The following COG5 variants were observed in gnomAD, a reference collection of about 807,000 sequenced individuals.
COG5 encodes conserved oligomeric Golgi complex subunit 5.
A neutral mutation model predicts 110.4 loss-of-function variants in COG5; 86 were observed. The observed-to-expected ratio is 0.78, with a 90% CI of 0.65 to 0.93. The LOEUF (loss-of-function observed/expected upper bound fraction) is 0.93, where lower values mean the gene tolerates loss of function less well. Among genes scored for constraint, COG5 ranks in the 40% least tolerant of loss-of-function variants. COG5 has a pLI of 0.00. For synonymous variants in COG5, 360 were observed against 334.6 expected, an observed-to-expected ratio of 1.08 and a Z score of -0.83; for missense variants, 1,077 against 987.0, an observed-to-expected ratio of 1.09 and a Z score of -1.22.
chr7:107,281,242 T>C (rs1160698572), intron 14 of COG5, 58 bp downstream of exon 14: 6 of 1,074,164 alleles, frequency 5.6e-6, no homozygotes, highest in South Asian at 1.3e-5. Flanking sequence ...TCAAGTATTA[T>C]ATAGTTAGTA....
chr7:107,517,630 C>G (rs1389867997), intron 6 of COG5, among the ~76,000 whole-genome samples: 1 of 151,630 alleles, frequency 6.6e-6, no homozygotes, highest in Non-Finnish European at 1.5e-5. Flanking sequence ...GGAAGCCCAT[C>G]AGACTAACAG....
chr7:107,257,649 G>A (rs1802983515), intron 15 of COG5, among the ~76,000 whole-genome samples: 1 of 152,066 alleles, frequency 6.6e-6, no homozygotes, highest in Non-Finnish European at 1.5e-5. Context: ...AGCTACTCCA[G>A]AGTCACAGAT....
chr7:107,358,466 G>C (rs887962931), intron 10 of COG5, among the ~76,000 whole-genome samples: 5 of 152,152 alleles, frequency 3.3e-5, no homozygotes, highest in African/African-American at 1.2e-4. Flanking sequence ...TGAAAGCCAA[G>C]TAGAAAGCAG....
At chr7:107,262,810 C>T (rs923801245) in intron 14 of COG5, among the ~76,000 whole-genome samples, 7 of 152,082 alleles carry the variant, frequency 4.6e-5, no homozygotes, top group African/African-American at 9.7e-5. Flanking sequence ...GAATGTCTGC[C>T]GTCCCTACTG....
chr7:107,219,322 C>A (rs1488134478), intron 19 of COG5, among the ~76,000 whole-genome samples: 2 of 152,120 alleles, frequency 1.3e-5, no homozygotes, highest in Non-Finnish European at 2.9e-5. Flanking sequence ...TATGACTTAG[C>A]AACCCCACTT....
chr7:107,517,366 T>C (rs1563078459), intron 6 of COG5, among the ~76,000 whole-genome samples: 2 of 151,896 alleles, frequency 1.3e-5, no homozygotes, highest in African/African-American at 4.8e-5. Context: ...GAACCTATGA[T>C]TGATTGGAGT....
intron 8 of COG5, among the ~76,000 whole-genome samples, chr7:107,372,261 T>A (rs1814242793): frequency 6.6e-6 from 1 of 152,200 alleles, no homozygotes; most frequent in African/African-American, 2.4e-5. Flanking sequence ...TTTTCTGTCT[T>A]TAAGAAGTAC....
chr7:107,295,095 A>AT (rs1562955818), intron 12 of COG5, among the ~76,000 whole-genome samples: 7 of 75,852 alleles, frequency 9.2e-5, no homozygotes, highest in African/African-American at 2.7e-4. Context: ...ATATATATAT[A>AT]TATATATTTT....
intron 5 of COG5, among the ~76,000 whole-genome samples, chr7:107,532,408 G>A (rs919720472): frequency 6.6e-6 from 1 of 152,036 alleles, no homozygotes; most frequent in Non-Finnish European, 1.5e-5. Flanking sequence ...GTTCATTTCT[G>A]GGACTTTTCC....
At chr7:107,414,971 C>A (rs911824461) in intron 6 of COG5, among the ~76,000 whole-genome samples, 3 of 151,698 alleles carry the variant, frequency 2.0e-5, no homozygotes, top group African/African-American at 7.3e-5. Context: ...TGTGATCCAC[C>A]CGCCTCGGCC....
At chr7:107,292,586 C>G (rs1383791513) in intron 12 of COG5, among the ~76,000 whole-genome samples, 3 of 152,160 alleles carry the variant, frequency 2.0e-5, no homozygotes, top group African/African-American at 4.8e-5. Flanking sequence ...CTTTCCTGGG[C>G]CTTAAAGCAT....
At position 107,248,977 on chromosome 7, in the gene COG5, T is replaced by C. The variant is rs538368171; in HGVS notation, c.1750-478A>G. Among the ~76,000 whole-genome samples, 189 of 152,252 alleles carry C rather than the reference T, an allele frequency of 1.2e-3. 2 individuals carry two copies. The highest frequency in any genetic ancestry group is 1.5e-3 in the African/African-American group (61 of 41,548). ...TTAGGTTCAAGGGTACATGTGCAGA[T>C]TTATTATATAGGAGTTTGTTGTGTC... On this transcript the variant is annotated intron_variant, in intron 16 of 21. Coordinates refer to ENST00000297135, the MANE Select transcript of COG5 (RefSeq NM_006348.5).
At chr7:107,542,160 A>G (rs746896562) in intron 5 of COG5, among the ~76,000 whole-genome samples, 1 of 152,168 alleles carries the variant, frequency 6.6e-6, no homozygotes, top group African/African-American at 2.4e-5. Flanking sequence ...AACTAACCAT[A>G]AAAGAAAAAT....
At chr7:107,301,263 C>T (rs1343534806) in intron 11 of COG5, among the ~76,000 whole-genome samples, 1 of 151,988 alleles carries the variant, frequency 6.6e-6, no homozygotes, top group Non-Finnish European at 1.5e-5. Context: ...AACTGGACAA[C>T]ATCTAAATTA....
At chr7:107,382,014 A>C (rs577379684) in intron 7 of COG5, among the ~76,000 whole-genome samples, 44 of 152,298 alleles carry the variant, frequency 2.9e-4, no homozygotes, top group African/African-American at 1.0e-3. Flanking sequence ...TTGCAACATG[A>C]CACAACTGAA....
intron 18 of COG5, among the ~76,000 whole-genome samples, chr7:107,235,267 G>A (rs1801093225): frequency 6.6e-6 from 1 of 152,184 alleles, no homozygotes; most frequent in African/African-American, 2.4e-5. Flanking sequence ...AATGAAGCAA[G>A]ACACACTCCC....
chr7:107,502,786 T>A (rs533503952), intron 6 of COG5, among the ~76,000 whole-genome samples: 1 of 152,288 alleles, frequency 6.6e-6, no homozygotes, highest in East Asian at 1.9e-4. Flanking sequence ...CATTTTTTCA[T>A]ATGTTTCTCG....
intron 11 of COG5, among the ~76,000 whole-genome samples, chr7:107,304,515 A>G (rs1017992083): frequency 6.6e-6 from 1 of 152,166 alleles, no homozygotes; most frequent in Non-Finnish European, 1.5e-5. Context: ...CTAGGTTTGG[A>G]GTTATGTCAT....
rs774119226 is a variant in COG5 at position 107,230,671 on chromosome 7, T to G, written c.2112A>C (p.Pro704=). 6.2e-7 allele frequency: 1 copy of G among 1,612,716 alleles called. No homozygotes were observed. The highest frequency in any genetic ancestry group is 8.5e-7 in the Non-Finnish European group (1 of 1,178,768). The part of the protein sequence containing the change: ...DFAQMELAVG[P]FCRRVSDLGK... ...CTAAATCAGATACTCGTCTACAGAATGGACCCACAGCCAACTCCATCTGAA... is the reference window on the plus strand; with the variant it reads ...CTAAATCAGATACTCGTCTACAGAAGGGACCCACAGCCAACTCCATCTGAA... The change falls in exon 19 of 22, where the codon CCA becomes CCC. Residue 704 remains proline, a synonymous_variant. Transcript: ENST00000297135.
Sources: gnomAD v4.1 joint callset for allele counts (sites outside exome capture counted in the v4.1 genomes callset) on GRCh38, gnomAD v4.1.1 for gene constraint, MANE v1.5 for transcripts, NCBI Gene and HGNC (gene_info 2026-07-23, HGNC 2026-07-21) for gene names.